The following NPHP4 variants were observed in gnomAD, a reference collection of about 807,000 sequenced individuals.
NPHP4 encodes the protein nephrocystin-4.
In NPHP4, 151 loss-of-function variants were observed where a neutral mutation model predicts 155.8. That is an observed-to-expected ratio of 0.97 (90% confidence interval 0.85 to 1.11). The LOEUF (loss-of-function observed/expected upper bound fraction) is 1.11. Ranked by LOEUF, NPHP4 falls within the 50% of genes least tolerant of loss-of-function variation. The pLI is 0.00. For synonymous variants in NPHP4, 845 were observed against 816.8 expected (o/e 1.03, Z -0.59); for missense variants, 1,956 against 1,925.7 (o/e 1.02, Z -0.29).
At position 5,863,538 on chromosome 1, in the gene NPHP4, G is replaced by C. The variant is rs933262018; in HGVS notation, c.4141-133C>G. ...AGGGGAGCCCTGCGGGTGCATCCAA[G>C]GCCTGCCTTTGACTTCAGCGCCCGG... On this transcript the variant is annotated intron_variant, in intron 29 of 29. Coordinates refer to ENST00000378156, the MANE Select transcript of NPHP4 (RefSeq NM_015102.5). 20 of 1,097,170 alleles carry C rather than the reference G, an allele frequency of 1.8e-5. No individual in the cohort carries two copies. In the Admixed American group the frequency reaches 4.0e-4, roughly 22 times the overall value. 68.0% of individuals were successfully genotyped at this position (1,097,170 alleles called of 1,614,324 possible). A position where few individuals can be genotyped will look rare whatever the true frequency, so the allele number is the denominator to read the frequency against.
chr1:5,980,140 C>A (rs531185802), intron 2 of NPHP4, among the ~76,000 whole-genome samples: 2 of 151,926 alleles, frequency 1.3e-5, no homozygotes, highest in Non-Finnish European at 2.9e-5. Flanking sequence ...CTGGCCCAGT[C>A]CTCCCACAAA....
intron 3 of NPHP4, among the ~76,000 whole-genome samples, chr1:5,974,338 G>A (rs1653130970): frequency 6.6e-6 from 1 of 152,100 alleles, no homozygotes; most frequent in African/African-American, 2.4e-5. Flanking sequence ...GGAGAATCAC[G>A]AGGATTCCTG....
chr1:5,946,904 T>C (rs1300383373), intron 9 of NPHP4, among the ~76,000 whole-genome samples, 200 bp downstream of exon 9: 1 of 152,260 alleles, frequency 6.6e-6, no homozygotes, highest in Non-Finnish European at 1.5e-5. Context: ...CTTCCCACAT[T>C]CTTTGCCCTC....
chr1:5,960,710 C>A (rs1012698971), intron 6 of NPHP4, among the ~76,000 whole-genome samples: 1 of 152,114 alleles, frequency 6.6e-6, no homozygotes, highest in Non-Finnish European at 1.5e-5. Flanking sequence ...CCAGAAGTGC[C>A]TGGAAGAAGC....
chr1:5,912,234 C>T (rs895732394), intron 11 of NPHP4, among the ~76,000 whole-genome samples: 11 of 152,268 alleles, frequency 7.2e-5, no homozygotes, highest in Admixed American at 1.3e-4. Context: ...AAGGCAGCCG[C>T]GGCAAGTTAA....
At chr1:5,980,260 C>A (rs2102395272) in intron 2 of NPHP4, among the ~76,000 whole-genome samples, 1 of 152,346 alleles carries the variant, frequency 6.6e-6, no homozygotes, top group South Asian at 2.1e-4. Context: ...GTCTTGGGAG[C>A]CCTGAGTAAC....
chr1:5,912,944 G>C (rs1645261366), intron 11 of NPHP4, among the ~76,000 whole-genome samples: 1 of 152,104 alleles, frequency 6.6e-6, no homozygotes, highest in African/African-American at 2.4e-5. Flanking sequence ...GCGTTAAGAA[G>C]AAGAGCACAG....
intron 5 of NPHP4, among the ~76,000 whole-genome samples, chr1:5,965,996 T>C (rs994667412): frequency 6.6e-6 from 1 of 152,098 alleles, no homozygotes; most frequent in African/African-American, 2.4e-5. Context: ...CTTATTAAAA[T>C]AAGCAGGCTC....
intron 16 of NPHP4, among the ~76,000 whole-genome samples, chr1:5,898,719 C>T (rs1322848534): frequency 6.6e-6 from 1 of 152,228 alleles, no homozygotes; most frequent in Admixed American, 6.5e-5. Flanking sequence ...GACAACTATT[C>T]AGGGCTGGGA....
chr1:5,911,250 G>A (rs892246153), intron 11 of NPHP4, among the ~76,000 whole-genome samples: 3 of 152,102 alleles, frequency 2.0e-5, no homozygotes, highest in African/African-American at 7.2e-5. Context: ...TCAGAGCTCC[G>A]TACGGCAAAC....
In NPHP4 at chr1:5,895,564, T is replaced by C. The variant is rs568305223; in HGVS notation, c.2144-4536A>G. ...AAGATGGACTTCACATCTATGGGAC[T>C]GTAAAAATACCACCCGTTAACGCCC... On this transcript the variant is annotated intron_variant, in intron 16 of 29. Transcript: ENST00000378156. Among the ~76,000 whole-genome samples, 3 of 152,308 alleles carry C rather than the reference T, an allele frequency of 2.0e-5. No homozygotes were observed. In the South Asian group the frequency reaches 6.2e-4, roughly 32 times the overall value.
chr1:5,918,658 A>C (rs1395295538), intron 11 of NPHP4, among the ~76,000 whole-genome samples: 4 of 152,208 alleles, frequency 2.6e-5, no homozygotes, highest in African/African-American at 9.6e-5. Flanking sequence ...CCAAGATAGA[A>C]AGCGAAGGAA....
intron 3 of NPHP4, among the ~76,000 whole-genome samples, chr1:5,970,615 A>G (rs548852135): frequency 6.6e-6 from 1 of 152,274 alleles, no homozygotes; most frequent in South Asian, 2.1e-4. Flanking sequence ...AGTGGTGCTG[A>G]GCCCATACCC....
At chr1:5,967,839 C>T (rs1021477674) in intron 4 of NPHP4, among the ~76,000 whole-genome samples, 1 of 152,032 alleles carries the variant, frequency 6.6e-6, no homozygotes, top group African/African-American at 2.4e-5. Context: ...TGATAAACAT[C>T]CTACAGCACA....
chr1:5,975,520 A>T (rs566413897), intron 3 of NPHP4, among the ~76,000 whole-genome samples: 16 of 152,278 alleles, frequency 1.1e-4, no homozygotes, highest in African/African-American at 3.1e-4. Context: ...AGATTTTTCC[A>T]GAGGTTTTAA....
Position 5,992,325 on chromosome 1 carries a change from G to A in NPHP4, c.-120C>T, listed in dbSNP as rs1656515894. The A allele has an allele frequency of 6.6e-6, 1 of 152,170 alleles. No individual in the cohort carries two copies. The highest frequency in any genetic ancestry group is 1.5e-5 in the Non-Finnish European group (1 of 68,040). The allele number at this position is 152,170 out of a possible 1,614,324, so 9.4% of individuals were successfully genotyped here. On this transcript the variant is annotated 5_prime_UTR_variant, in exon 1 of 30. Transcript: ENST00000378156. ...AGAGTCTCCACTCGACGGACCCAGA[G>A]GCCCGGCGGCCGGTGCTCAACGGAG...
At position 5,947,976 on chromosome 1, in the gene NPHP4, T is replaced by A. The variant is rs1364430621; in HGVS notation, c.992+94A>T. On this transcript the variant is annotated intron_variant, in intron 8 of 29. Coordinates refer to ENST00000378156, the MANE Select transcript of NPHP4 (RefSeq NM_015102.5). ...AGAAACACAAGGAAGAACTCCCACG[T>A]GGGTGAGTCAACACCTGACATGCAC... 4 of 939,614 alleles carry A rather than the reference T, an allele frequency of 4.3e-6. No individual in the cohort carries two copies. In the African/African-American group the frequency reaches 6.5e-5, roughly 15 times the overall value. 58.2% of individuals were successfully genotyped at this position (939,614 alleles called of 1,614,324 possible).
At position 5,892,610 on chromosome 1, in the gene NPHP4, G is replaced by A. The variant is rs1276252715; in HGVS notation, c.2144-1582C>T. ...GGCCGGTCCAGCGGGGCACTGGAAG[G>A]AGCTCCCCAGGAGACAAGACAGAGG... On this transcript the variant is annotated intron_variant, in intron 16 of 29. Transcript: ENST00000378156. The surrounding 1 kb of genome is among the most constrained non-coding windows in gnomAD (Gnocchi z 4.5). Among the ~76,000 whole-genome samples, 1 of 152,060 alleles carries A rather than the reference G, an allele frequency of 6.6e-6. No homozygotes were observed. Among genetic ancestry groups the A allele is most frequent in the Non-Finnish European group, 1.5e-5 (1 of 67,968 alleles).
intron 11 of NPHP4, among the ~76,000 whole-genome samples, chr1:5,914,255 T>TACAAAAAAAAAAA (rs1645340446): frequency 1.2e-4 from 1 of 8,652 alleles, no homozygotes; most frequent in African/African-American, 3.4e-4. Flanking sequence ...ATCTTATCTA[T>TACAAAAAAAAAAA]ACAAAAAAAA....
Sources: gnomAD v4.1 joint callset for allele counts (sites outside exome capture counted in the v4.1 genomes callset) on GRCh38, gnomAD v4.1.1 for gene constraint, Gnocchi (gnomAD v3.1) non-coding constraint, MANE v1.5 for transcripts, NCBI Gene and HGNC (gene_info 2026-07-23, HGNC 2026-07-21) for gene names.